SCAF8: variants seen among roughly 807,000 people sequenced by gnomAD.
SCAF8 encodes the protein SR-related and CTD-associated factor 8.
SCAF8 carries 23 observed loss-of-function variants against 140.5 expected under a neutral mutation model. That is an observed-to-expected ratio of 0.16 (90% CI 0.12 to 0.23). The LOEUF is 0.23. Ranked by LOEUF, SCAF8 falls within the 10% of genes least tolerant of loss-of-function variation. The probability of loss-of-function intolerance (pLI) is 1.00; values close to 1 mark genes in which losing one functional copy is unlikely to be tolerated. For missense variants in SCAF8, 1,397 were observed against 1,555.7 expected, an observed-to-expected ratio of 0.90 and a Z score of 1.72; for synonymous variants, 575 against 528.9, an observed-to-expected ratio of 1.09 and a Z score of -1.20.
At position 154,801,882 on chromosome 6, in the gene SCAF8, AT is replaced by A. The variant is rs1777781018; in HGVS notation, c.607-87del. Reference sequence around the variant, plus strand: ...TTTTTTTCAAAGAGAGTGTGGAATGATTAATTTTACTGACTAAAAGTTTTAG... The same window carrying A: ...TTTTTTTCAAAGAGAGTGTGGAATGATAATTTTACTGACTAAAAGTTTTAG... On this transcript the variant is annotated intron_variant, in intron 6 of 19. Coordinates refer to ENST00000367178, the MANE Select transcript of SCAF8 (RefSeq NM_014892.5). 23 of 872,436 alleles carry A rather than the reference AT, an allele frequency of 2.6e-5. No individual in the cohort carries two copies. In the South Asian group the frequency reaches 4.5e-4, roughly 17 times the overall value. 54.0% of individuals were successfully genotyped at this position (872,436 alleles called of 1,614,324 possible).
chr6:154,828,226 C>G (rs1778625338), intron 18 of SCAF8, among the ~76,000 whole-genome samples: 1 of 152,132 alleles, frequency 6.6e-6, no homozygotes, highest in African/African-American at 2.4e-5. Flanking sequence ...ATAATTCCTT[C>G]CATGTTTCTT....
intron 1 of SCAF8, among the ~76,000 whole-genome samples, chr6:154,751,315 G>T (rs529162300): frequency 6.6e-6 from 1 of 151,118 alleles, no homozygotes; most frequent in African/African-American, 2.4e-5. Flanking sequence ...TGCAACCTCC[G>T]CCTCCCAAGT....
intron 17 of SCAF8, among the ~76,000 whole-genome samples, 174 bp from the exon 18 acceptor site, chr6:154,826,998 G>T (rs1285743459): frequency 3.9e-5 from 6 of 152,002 alleles, no homozygotes; most frequent in Non-Finnish European, 7.4e-5. Context: ...GCTTATTAGG[G>T]ATCAAATAAG....
At position 154,773,599 on chromosome 6, in the gene SCAF8, A is replaced by G. The variant is rs549773133; in HGVS notation, c.31-390A>G. On this transcript the variant is annotated intron_variant, in intron 1 of 19. Coordinates refer to ENST00000367178, the MANE Select transcript of SCAF8 (RefSeq NM_014892.5). ...TCATGTACAAGTTCTTTGTGAATAC[A>G]TGTTCTCAGTTCTCTTGGGTACATA... Among the ~76,000 whole-genome samples, 94 of 152,266 alleles carry G rather than the reference A, an allele frequency of 6.2e-4. 1 individual carries two copies. The highest frequency in any genetic ancestry group is 2.2e-3 in the African/African-American group (90 of 41,536).
chr6:154,797,315 A>G (rs891825069), intron 6 of SCAF8, among the ~76,000 whole-genome samples: 2 of 151,262 alleles, frequency 1.3e-5, no homozygotes, highest in Admixed American at 6.6e-5. Context: ...GTACTCCTCT[A>G]AATAGCTTTT....
At chr6:154,760,649 A>C (rs1776356592) in intron 1 of SCAF8, among the ~76,000 whole-genome samples, 1 of 152,236 alleles carries the variant, frequency 6.6e-6, no homozygotes. Flanking sequence ...GCCTAGTGCT[A>C]ATGAATATAT....
intron 1 of SCAF8, among the ~76,000 whole-genome samples, chr6:154,762,410 G>T (rs1776432075): frequency 6.6e-6 from 1 of 152,080 alleles, no homozygotes. Context: ...GTGGGCTGGG[G>T]GTTACTCTCA....
At chr6:154,777,859 G>C in intron 2 of SCAF8, 142 bp from the exon 3 acceptor site, 1 of 621,660 alleles carries the variant, frequency 1.6e-6, no homozygotes, top group Non-Finnish European at 2.9e-6. Flanking sequence ...AAAGGTGAGT[G>C]ACAAGAATGT....
chr6:154,746,421 A>G (rs1427100421), intron 1 of SCAF8, among the ~76,000 whole-genome samples: 1 of 152,202 alleles, frequency 6.6e-6, no homozygotes, highest in Non-Finnish European at 1.5e-5. Flanking sequence ...ATATATATAC[A>G]TACATTCTCT....
At chr6:154,772,261 T>C (rs1311931443) in intron 1 of SCAF8, among the ~76,000 whole-genome samples, 1 of 152,254 alleles carries the variant, frequency 6.6e-6, no homozygotes, top group Non-Finnish European at 1.5e-5. Flanking sequence ...CTAATTAATA[T>C]CTTACAGTGT....
chr6:154,770,800 G>A (rs944407870), intron 1 of SCAF8, among the ~76,000 whole-genome samples: 24 of 152,046 alleles, frequency 1.6e-4, no homozygotes, highest in Admixed American at 7.9e-4. Context: ...GCTGGAGTGC[G>A]GTGGCGTAAT....
chr6:154,819,116 T>C (rs896900007), intron 14 of SCAF8, among the ~76,000 whole-genome samples: 2 of 152,154 alleles, frequency 1.3e-5, no homozygotes, highest in Admixed American at 6.5e-5. Context: ...CTTTCTATGA[T>C]TAACTCAGTT....
At chr6:154,803,750 AGGTGG>A in intron 8 of SCAF8, 127 bp downstream of exon 8, 1 of 630,804 alleles carries the variant, frequency 1.6e-6, no homozygotes, top group Non-Finnish European at 2.8e-6. Flanking sequence ...CATTATACAA[AGGTGG>A]TAGAGATATG....
chr6:154,790,580 G>A (rs1169331599), intron 4 of SCAF8, among the ~76,000 whole-genome samples: 1 of 127,286 alleles, frequency 7.9e-6, no homozygotes, highest in African/African-American at 3.1e-5. Context: ...GTGTAATCTC[G>A]GCTCACTGCA....
chr6:154,754,427 T>G (rs1296289933), intron 1 of SCAF8, among the ~76,000 whole-genome samples: 1 of 152,230 alleles, frequency 6.6e-6, no homozygotes, highest in African/African-American at 2.4e-5. Context: ...GGGCTACATC[T>G]GAGTGCCTAG....
chr6:154,769,985 A>C (rs1460757570), intron 1 of SCAF8, among the ~76,000 whole-genome samples: 1 of 152,214 alleles, frequency 6.6e-6, no homozygotes, highest in African/African-American at 2.4e-5. Context: ...TGCTGTAAGC[A>C]CTGTAGTAAT....
intron 1 of SCAF8, among the ~76,000 whole-genome samples, chr6:154,767,389 T>C (rs979181186): frequency 2.0e-5 from 3 of 151,856 alleles, no homozygotes; most frequent in Admixed American, 2.0e-4. Context: ...TTTTTTTTTT[T>C]CTCCAGAATA....
intron 1 of SCAF8, among the ~76,000 whole-genome samples, chr6:154,746,000 C>T (rs904155758): frequency 6.6e-6 from 1 of 152,108 alleles, no homozygotes; most frequent in Non-Finnish European, 1.5e-5. Flanking sequence ...ATTCTCGTGC[C>T]TCAGCCTCCT....
intron 1 of SCAF8, among the ~76,000 whole-genome samples, chr6:154,753,398 C>T (rs1276404081): frequency 1.3e-5 from 2 of 152,094 alleles, no homozygotes; most frequent in African/African-American, 4.8e-5. Flanking sequence ...ACCTGGGAGG[C>T]GGAGGTTGCA....
Sources: gnomAD v4.1 joint callset for allele counts (sites outside exome capture counted in the v4.1 genomes callset) on GRCh38, gnomAD v4.1.1 for gene constraint, MANE v1.5 for transcripts, NCBI Gene and HGNC (gene_info 2026-07-23, HGNC 2026-07-21) for gene names.